The following MAGI1 variants were observed in gnomAD, a reference collection of about 807,000 sequenced individuals.
The protein encoded by MAGI1 is membrane associated guanylate kinase, WW and PDZ domain containing 1.
MAGI1 carries 58 observed loss-of-function variants against 139.9 expected under a neutral mutation model. The observed-to-expected ratio is 0.41, with a 90% CI of 0.34 to 0.52. The LOEUF is 0.52. Among genes scored for constraint, MAGI1 ranks in the 20% least tolerant of loss-of-function variants. The pLI is 0.12. For synonymous variants in MAGI1, 812 were observed against 737.9 expected (o/e 1.10, Z -1.63); for missense variants, 1,874 against 1,901.6 (o/e 0.99, Z 0.27).
chr3:65,401,376 A>AACC, intron 13 of MAGI1, 63 bp downstream of exon 13: 17 of 406,628 alleles, frequency 4.2e-5, no homozygotes, highest in Non-Finnish European at 6.2e-5. Context: ...GTACCCTCCC[A>AACC]CCTCCAGCCC....
At chr3:66,030,741 C>T (rs2068545259) in intron 1 of MAGI1, among the ~76,000 whole-genome samples, 1 of 152,142 alleles carries the variant, frequency 6.6e-6, no homozygotes, top group Admixed American at 6.5e-5. Context: ...AGGTCACGGG[C>T]AGCCTTGGAA....
At chr3:65,475,759 T>G (rs556959027) in intron 4 of MAGI1, among the ~76,000 whole-genome samples, 1 of 151,962 alleles carries the variant, frequency 6.6e-6, no homozygotes, top group Non-Finnish European at 1.5e-5. Context: ...GCTTCTGCCT[T>G]AATCAATGAC....
chr3:65,566,264 A>T (rs2080634418), intron 2 of MAGI1, among the ~76,000 whole-genome samples: 1 of 151,394 alleles, frequency 6.6e-6, no homozygotes, highest in African/African-American at 2.4e-5. Flanking sequence ...AAAAAAAAAT[A>T]AAAAATAAAA....
At chr3:65,861,248 T>G (rs2059546839) in intron 1 of MAGI1, among the ~76,000 whole-genome samples, 1 of 152,318 alleles carries the variant, frequency 6.6e-6, no homozygotes, top group African/African-American at 2.4e-5. Flanking sequence ...TGCAAATATT[T>G]GACGTGCCAA....
In MAGI1 at chr3:65,974,403, ATGGG is replaced by A. The variant is rs1389951763; in HGVS notation, c.313+63589_313+63592del. ...GGCGGGTGGCTGGGTGGATGGGTGGATGGGTGGATGGATGGATGGATGGATGGAT... is the reference window on the plus strand; with the variant it reads ...GGCGGGTGGCTGGGTGGATGGGTGGATGGATGGATGGATGGATGGATGGAT... On this transcript the variant is annotated intron_variant, in intron 1 of 22. Coordinates refer to ENST00000402939, the MANE Select transcript of MAGI1 (RefSeq NM_001033057.2). Among the ~76,000 whole-genome samples, 1,267 of 145,866 alleles carry A rather than the reference ATGGG, an allele frequency of 8.7e-3. 22 individuals carry two copies. Among genetic ancestry groups the A allele is most frequent in the African/African-American group, 0.031 (1,178 of 37,856 alleles).
At position 65,775,511 on chromosome 3, in the gene MAGI1, A is replaced by C. The variant is rs1240688160; in HGVS notation, c.314-153423T>G. ...TTCTCACCCACTCTGCCAAAAAAAA[A>C]AAAAAAAAAAAAAAAAAGCATCTTA... On this transcript the variant is annotated intron_variant, in intron 1 of 22. Coordinates refer to ENST00000402939, the MANE Select transcript of MAGI1 (RefSeq NM_001033057.2). Among the ~76,000 whole-genome samples, 188 of 149,942 alleles carry C rather than the reference A, an allele frequency of 1.3e-3. 1 individual carries two copies. The highest frequency in any genetic ancestry group is 4.5e-3 in the African/African-American group (183 of 41,020).
chr3:65,966,626 G>A (rs2064756949), intron 1 of MAGI1, among the ~76,000 whole-genome samples: 1 of 152,174 alleles, frequency 6.6e-6, no homozygotes, highest in East Asian at 1.9e-4. Context: ...CGGGGAGAGT[G>A]GGGGCGCGGC....
chr3:65,602,314 A>C (rs1300307014), intron 2 of MAGI1, among the ~76,000 whole-genome samples: 1 of 152,188 alleles, frequency 6.6e-6, no homozygotes, highest in South Asian at 2.1e-4. Context: ...AATGTTCACT[A>C]ACTGATGAAT....
chr3:65,470,523 G>C, intron 4 of MAGI1, 39 bp from the exon 5 acceptor site: 2 of 933,364 alleles, frequency 2.1e-6, no homozygotes, highest in Non-Finnish European at 3.1e-6. Flanking sequence ...GAGAGAGAGA[G>C]AAAAAAAAAA....
At chr3:65,954,282 C>T (rs1465352858) in intron 1 of MAGI1, among the ~76,000 whole-genome samples, 1 of 152,064 alleles carries the variant, frequency 6.6e-6, no homozygotes, top group Non-Finnish European at 1.5e-5. Flanking sequence ...CCTCTGAAGC[C>T]ATTTGTTTCC....
At chr3:65,423,576 A>G (rs1214293774) in intron 12 of MAGI1, among the ~76,000 whole-genome samples, 4 of 152,238 alleles carry the variant, frequency 2.6e-5, no homozygotes, top group African/African-American at 9.6e-5. Flanking sequence ...CATAAGATAT[A>G]GTCTTCAATA....
chr3:65,954,508 G>T (rs1034978154), intron 1 of MAGI1: 5 of 152,702 alleles, frequency 3.3e-5, no homozygotes. Flanking sequence ...CAGGCAAGAT[G>T]CACAGGCAGT....
At chr3:65,782,259 C>T (rs781590325) in intron 1 of MAGI1, among the ~76,000 whole-genome samples, 4 of 152,030 alleles carry the variant, frequency 2.6e-5, no homozygotes, top group Non-Finnish European at 5.9e-5. Flanking sequence ...TAATCATAAG[C>T]ATCTGTAAAA....
chr3:65,970,740 G>C (rs1305492527), intron 1 of MAGI1, among the ~76,000 whole-genome samples: 3 of 152,114 alleles, frequency 2.0e-5, no homozygotes, highest in Non-Finnish European at 4.4e-5. Context: ...TGCAGGTTAT[G>C]GGTTCCAGGG....
chr3:65,701,291 C>T (rs917644236), intron 1 of MAGI1, among the ~76,000 whole-genome samples: 3 of 152,114 alleles, frequency 2.0e-5, no homozygotes, highest in Admixed American at 6.5e-5. Context: ...TTGCTCTTGT[C>T]GCCCAGGCTG....
chr3:65,845,211 A>G (rs1475945545), intron 1 of MAGI1, among the ~76,000 whole-genome samples: 1 of 151,694 alleles, frequency 6.6e-6, no homozygotes, highest in African/African-American at 2.4e-5. Flanking sequence ...AGATTGTGCC[A>G]CTGCATTTCC....
chr3:65,755,560 G>C (rs2036501550), intron 1 of MAGI1, among the ~76,000 whole-genome samples: 1 of 152,146 alleles, frequency 6.6e-6, no homozygotes, highest in Non-Finnish European at 1.5e-5. Flanking sequence ...ATAGGATTCA[G>C]CATCAAGTGG....
In MAGI1 at chr3:65,379,248, G is replaced by C. The variant is rs768303906; in HGVS notation, c.2995+13C>G. ...GGTGGGAAACCCTGGGTAATTTCAC[G>C]TTCAGCACTCACCAAAGGTCGTGCC... On this transcript the variant is annotated intron_variant, in intron 17 of 22. Coordinates refer to ENST00000402939, the MANE Select transcript of MAGI1 (RefSeq NM_001033057.2). The C allele has an allele frequency of 6.2e-7, 1 of 1,609,910 alleles. No individual in the cohort carries two copies. The highest frequency in any genetic ancestry group is 1.3e-5 in the African/African-American group (1 of 74,770).
chr3:65,366,980 T>C (rs1420887704), intron 18 of MAGI1, among the ~76,000 whole-genome samples: 1 of 152,196 alleles, frequency 6.6e-6, no homozygotes, highest in African/African-American at 2.4e-5. Context: ...TTTTATAAAG[T>C]ACGCTCACTG....
Sources: allele counts gnomAD v4.1 joint callset (sites outside exome capture counted in the v4.1 genomes callset), GRCh38; gene constraint gnomAD v4.1.1; transcripts MANE v1.5; gene names NCBI Gene and HGNC (gene_info 2026-07-23, HGNC 2026-07-21).